Variants in EPB41L1 observed in about 807,000 individuals in gnomAD.
The protein encoded by EPB41L1 is band 4.1-like protein 1.
In EPB41L1, 29 loss-of-function variants were observed where a neutral mutation model predicts 97.8. The ratio of observed to expected loss-of-function variants is 0.30; its 90% CI spans 0.22 to 0.40. EPB41L1 has a LOEUF of 0.40. Ranked by LOEUF, EPB41L1 falls within the 10% of genes least tolerant of loss-of-function variation. EPB41L1 has a pLI of 1.00. For synonymous variants in EPB41L1, 383 were observed against 459.2 expected (o/e 0.83, Z 2.12); for missense variants, 812 against 1,162.3 (o/e 0.70, Z 4.38).
At chr20:36,182,141 C>T in intron 5 of EPB41L1, 131 bp from the exon 6 acceptor site, 1 of 806,752 alleles carries the variant, frequency 1.2e-6, no homozygotes, top group South Asian at 1.4e-5. Context: ...AATAATGTTC[C>T]AGCCTTCCTG....
intron 2 of EPB41L1, among the ~76,000 whole-genome samples, chr20:36,124,044 C>A (rs537790662): frequency 2.0e-5 from 3 of 152,016 alleles, no homozygotes; most frequent in Admixed American, 2.0e-4. Flanking sequence ...GTCAGGAGAT[C>A]GAGACCATCC....
At chr20:36,211,651 C>T (rs2063140766) in intron 15 of EPB41L1, among the ~76,000 whole-genome samples, 2 of 152,154 alleles carry the variant, frequency 1.3e-5, no homozygotes, top group Middle Eastern at 3.4e-3. Context: ...GTCAGGGGTT[C>T]AAGAACAGCC....
chr20:36,147,792 C>A (rs1473339592), intron 2 of EPB41L1, among the ~76,000 whole-genome samples: 1 of 152,174 alleles, frequency 6.6e-6, no homozygotes, highest in Admixed American at 6.5e-5. Context: ...ATGATACTCT[C>A]CAGCTCTCTT....
intron 21 of EPB41L1, among the ~76,000 whole-genome samples, chr20:36,224,376 G>A (rs747030203): frequency 6.6e-5 from 10 of 152,282 alleles, no homozygotes; most frequent in East Asian, 1.9e-4. Context: ...GGCCAGGCAC[G>A]GTGGCTTATG....
chr20:36,212,275 G>A lies in EPB41L1; in HGVS notation c.2083G>A (p.Val695Met), dbSNP rs763476435. Residue 695 changes from valine to methionine, a missense_variant, in exon 16 of 22, where the codon GTG becomes ATG. By Grantham distance (21) the Val-to-Met change is conservative. Around this residue, in one of 3 missense-constraint regions of EPB41L1, gnomAD observed 498 missense variants for 622.7 expected, o/e 0.80. Transcript: ENST00000338074. This position sits in a 1 kb window ranked among gnomAD's most constrained non-coding sequence, Gnocchi z 4.8. ...ATTCTCCCTCCTTTTCCTACAGCCC[G>A]TGAAAACAGAAACCATGACTGTCAG... is the stretch of plus-strand genomic sequence containing the variant. ...STPDMPQFEP[V>M]KTETMTVSSL... is the part of the protein sequence containing the mutation. 2.4e-5 allele frequency: 39 copies of A among 1,614,042 alleles called. 1 individual carries two copies. The highest frequency in any genetic ancestry group is 1.6e-4 in the Middle Eastern group (1 of 6,084).
At chr20:36,116,792 A>G (rs1454026351) in intron 2 of EPB41L1, among the ~76,000 whole-genome samples, 2 of 152,210 alleles carry the variant, frequency 1.3e-5, no homozygotes, top group African/African-American at 4.8e-5. Flanking sequence ...TAATGCCCCC[A>G]GAGGCCTGGG....
chr20:36,128,472 T>A (rs1248239246), intron 2 of EPB41L1, among the ~76,000 whole-genome samples: 1 of 152,156 alleles, frequency 6.6e-6, no homozygotes, highest in Non-Finnish European at 1.5e-5. Context: ...AATAACACTT[T>A]TAAGATCCTC....
At chr20:36,218,085 G>A (rs1039004713) in intron 17 of EPB41L1, among the ~76,000 whole-genome samples, 2 of 152,196 alleles carry the variant, frequency 1.3e-5, no homozygotes, top group African/African-American at 4.8e-5. Flanking sequence ...AGGGCCAAGA[G>A]AGCTGTCTGA....
intron 5 of EPB41L1, among the ~76,000 whole-genome samples, chr20:36,181,074 A>G (rs2061452464): frequency 6.6e-6 from 1 of 152,164 alleles, no homozygotes; most frequent in Admixed American, 6.5e-5. Context: ...ACTGGCATCT[A>G]GTAAGAGTTT....
intron 2 of EPB41L1, among the ~76,000 whole-genome samples, chr20:36,131,197 A>G (rs548731757): frequency 8.0e-4 from 120 of 149,886 alleles, no homozygotes; most frequent in African/African-American, 2.5e-3. Context: ...CTGGTCTTGA[A>G]CTCCTGGCCT....
At chr20:36,202,461 T>G (rs1226208076) in intron 14 of EPB41L1, among the ~76,000 whole-genome samples, 1 of 151,998 alleles carries the variant, frequency 6.6e-6, no homozygotes, top group Admixed American at 6.6e-5. Context: ...AGGAAATGGT[T>G]TCTGGAGGGC....
intron 14 of EPB41L1, among the ~76,000 whole-genome samples, chr20:36,202,910 T>C (rs752744892): frequency 2.0e-5 from 3 of 150,380 alleles, no homozygotes; most frequent in Non-Finnish European, 3.0e-5. Flanking sequence ...GGCTGGAGAG[T>C]TTCCTGTCTG....
intron 1 of EPB41L1, among the ~76,000 whole-genome samples, chr20:36,166,531 G>A (rs1226315398): frequency 2.0e-5 from 3 of 152,142 alleles, no homozygotes; most frequent in Non-Finnish European, 2.9e-5. Context: ...TGGAAGGAGG[G>A]ATAAAAAGAA....
intron 14 of EPB41L1, among the ~76,000 whole-genome samples, chr20:36,202,263 G>A (rs1283082196): frequency 6.6e-6 from 1 of 152,326 alleles, no homozygotes; most frequent in African/African-American, 2.4e-5. Flanking sequence ...TGTCCTTGGC[G>A]GCAGCCCATT....
chr20:36,207,381 G>A lies in EPB41L1; in HGVS notation c.1669-2107G>A. The A allele has an allele frequency of 7.8e-7, 1 of 1,289,586 alleles. No homozygotes were observed. 79.9% of individuals were successfully genotyped at this position (1,289,586 alleles called of 1,614,324 possible). A position where few individuals can be genotyped will look rare whatever the true frequency, so the allele number is the denominator to read the frequency against. Reference sequence around the variant, plus strand: ...GGTTCCCTTCAGGGAAGCGAAGGGAGATGACCTCTTTCCAGGCTGGGGACC... The same window carrying A: ...GGTTCCCTTCAGGGAAGCGAAGGGAAATGACCTCTTTCCAGGCTGGGGACC... On this transcript the variant is annotated intron_variant, in intron 14 of 21. Transcript: ENST00000338074. The surrounding 1 kb of genome is among the most constrained non-coding windows in gnomAD (Gnocchi z 4.9).
chr20:36,147,295 CTT>C, intron 2 of EPB41L1, among the ~76,000 whole-genome samples: 2 of 152,228 alleles, frequency 1.3e-5, no homozygotes, highest in East Asian at 3.9e-4. Flanking sequence ...AAAAAGGAAA[CTT>C]TATTGATGTT....
chr20:36,222,972 C>T (rs1201833556), intron 21 of EPB41L1, among the ~76,000 whole-genome samples: 2 of 152,206 alleles, frequency 1.3e-5, no homozygotes, highest in Non-Finnish European at 2.9e-5. Context: ...TCTTGACTCA[C>T]TGCAACCTCT....
intron 1 of EPB41L1, among the ~76,000 whole-genome samples, chr20:36,167,200 T>C (rs1410416396): frequency 2.0e-5 from 3 of 151,972 alleles, no homozygotes; most frequent in African/African-American, 7.3e-5. Context: ...AGACTATCAT[T>C]AAGGACAAAG....
intron 11 of EPB41L1, among the ~76,000 whole-genome samples, chr20:36,193,794 C>T: frequency 6.6e-6 from 1 of 152,198 alleles, no homozygotes; most frequent in East Asian, 1.9e-4. Flanking sequence ...CATTTATGGG[C>T]TGCCATTGAT....
Sources: gnomAD v4.1 joint callset for allele counts (sites outside exome capture counted in the v4.1 genomes callset) on GRCh38, gnomAD v4.1.1 for gene constraint, gnomAD v4.1.1 regional missense constraint, Gnocchi (gnomAD v3.1) non-coding constraint, MANE v1.5 for transcripts, NCBI Gene and HGNC (gene_info 2026-07-23, HGNC 2026-07-21) for gene names.